The following CTTNBP2 variants were observed in gnomAD, a reference collection of about 807,000 sequenced individuals.
CTTNBP2 encodes the protein cortactin binding protein 2, also known as cortactin-binding protein 2.
A neutral mutation model predicts 156.9 loss-of-function variants in CTTNBP2; 108 were observed. That is an observed-to-expected ratio of 0.69 (90% confidence interval 0.59 to 0.81). The LOEUF is 0.81. CTTNBP2 is among the 30% of genes least tolerant of loss of function. The pLI, the probability that CTTNBP2 is intolerant of heterozygous loss-of-function variation, is 0.00. For synonymous variants in CTTNBP2, 767 were observed against 751.8 expected (o/e 1.02, Z -0.33); for missense variants, 1,924 against 2,035.4 (o/e 0.95, Z 1.05).
In CTTNBP2 at chr7:117,725,059, G is replaced by T. The variant is rs565972304; in HGVS notation, c.4254C>A (p.Pro1418=). The T allele has an allele frequency of 6.0e-5, 96 of 1,612,112 alleles. No individual in the cohort carries two copies. Among genetic ancestry groups the T allele is most frequent in the Non-Finnish European group, 7.4e-5 (87 of 1,179,862 alleles). ...CTGCAGAAACCCACATACCTGCTCT[G>T]GGGAGGGGACAGCCATGCAGTACAG... The part of the protein sequence containing the change: ...NKAVLHGCPL[P]RAELDQHTAD... The change falls in exon 18 of 23, where the codon CCC becomes CCA. Residue 1418 remains proline, a synonymous_variant. Transcript: ENST00000160373.
At chr7:117,776,181 C>G (rs912869272) in intron 8 of CTTNBP2, among the ~76,000 whole-genome samples, 1 of 152,136 alleles carries the variant, frequency 6.6e-6, no homozygotes, top group African/African-American at 2.4e-5. Context: ...TCACTATTAT[C>G]TTTTTATTCA....
rs545251654 is a variant in CTTNBP2 at position 117,727,975 on chromosome 7, C to T, written c.4055+114G>A. 1.3e-4 allele frequency: 115 copies of T among 887,240 alleles called. 1 individual carries two copies. Among genetic ancestry groups the T allele is most frequent in the South Asian group, 7.7e-4 (46 of 60,042 alleles). The allele number at this position is 887,240 out of a possible 1,614,324, so 55.0% of individuals were successfully genotyped here. A position where few individuals can be genotyped will look rare whatever the true frequency, so the allele number is the denominator to read the frequency against. On this transcript the variant is annotated intron_variant, in intron 17 of 22. Coordinates refer to ENST00000160373, the MANE Select transcript of CTTNBP2 (RefSeq NM_033427.3). ...GAAAGAGCAGAGAGCACTGGCACTC[C>T]GTGTCAGTGACAGGAGGTGGCACAA...
chr7:117,770,777 ACT>A (rs1295439540), intron 8 of CTTNBP2, among the ~76,000 whole-genome samples: 1 of 151,904 alleles, frequency 6.6e-6, no homozygotes, highest in Non-Finnish European at 1.5e-5. Flanking sequence ...AAGTATCCAC[ACT>A]CTCTCCTTGT....
chr7:117,784,216 T>G (rs771144899), intron 5 of CTTNBP2, 35 bp downstream of exon 5: 35 of 1,472,516 alleles, frequency 2.4e-5, no homozygotes, highest in Non-Finnish European at 3.0e-5. Flanking sequence ...TCCATCCTTT[T>G]GCAAGTGTGT....
chr7:117,740,798 T>G (rs1447388198), intron 14 of CTTNBP2, among the ~76,000 whole-genome samples: 2 of 152,186 alleles, frequency 1.3e-5, no homozygotes, highest in African/African-American at 4.8e-5. Context: ...TGTCGATGGA[T>G]CCTTCCCTGT....
At chr7:117,818,317 C>A (rs1223435519) in intron 2 of CTTNBP2, among the ~76,000 whole-genome samples, 2 of 152,130 alleles carry the variant, frequency 1.3e-5, no homozygotes, top group Non-Finnish European at 2.9e-5. Context: ...TAATATAGAT[C>A]TAACTGTAAG....
intron 14 of CTTNBP2, among the ~76,000 whole-genome samples, chr7:117,743,258 A>G (rs12112085): frequency 0.2 from 30,154 of 152,174 alleles, 6,614 homozygotes; most frequent in African/African-American, 0.55. Context: ...CCCATAGGGT[A>G]AGCACAAAAT....
intron 4 of CTTNBP2, among the ~76,000 whole-genome samples, chr7:117,786,100 T>C (rs1338957525): frequency 6.6e-6 from 1 of 152,174 alleles, no homozygotes; most frequent in Non-Finnish European, 1.5e-5. Context: ...TAAAAGTACA[T>C]ATCAAAGGAA....
chr7:117,737,717 G>A (rs1056022869), intron 14 of CTTNBP2, among the ~76,000 whole-genome samples: 1 of 152,052 alleles, frequency 6.6e-6, no homozygotes, highest in Non-Finnish European at 1.5e-5. Context: ...GGGATTACAG[G>A]TGCACACCAC....
chr7:117,817,357 A>ATATATATATATATATATAT (rs1282725521), intron 2 of CTTNBP2, among the ~76,000 whole-genome samples: 19 of 32,982 alleles, frequency 5.8e-4, no homozygotes, highest in African/African-American at 1.1e-3. Context: ...AAAAAAAAAA[A>ATATATATATATATATATAT]AAAAATATAT....
At chr7:117,731,731 A>C (rs1171465099) in intron 16 of CTTNBP2, among the ~76,000 whole-genome samples, 2 of 152,212 alleles carry the variant, frequency 1.3e-5, no homozygotes, top group African/African-American at 4.8e-5. Flanking sequence ...GATGACTGAT[A>C]ACAAAAAAGG....
At chr7:117,744,762 T>C (rs978134648) in intron 14 of CTTNBP2, among the ~76,000 whole-genome samples, 6 of 152,058 alleles carry the variant, frequency 3.9e-5, no homozygotes, top group African/African-American at 1.2e-4. Flanking sequence ...CTGGAAGTGC[T>C]GGGGCGTGCC....
chr7:117,777,528 C>A lies in CTTNBP2; in HGVS notation c.2761G>T (p.Ala921Ser). 1 of 1,613,156 alleles carries A rather than the reference C, an allele frequency of 6.2e-7. No individual in the cohort carries two copies. Reference sequence around the variant, plus strand: ...AGACACACCTTAAAACCTTTGGAAGCAGCAATGTGGGCAGCAGTCCAGCCT... The same window carrying A: ...AGACACACCTTAAAACCTTTGGAAGAAGCAATGTGGGCAGCAGTCCAGCCT... ...REGWTAAHIA[A>S]SKGFKNCLEI... Residue 921 changes from alanine (A) to serine (S), a missense_variant, in exon 8 of 23, where the codon GCT becomes TCT. Physicochemically the swap from Ala to Ser is moderately conservative, Grantham distance 99 (BLOSUM62 1). Coordinates refer to ENST00000160373, the MANE Select transcript of CTTNBP2 (RefSeq NM_033427.3).
chr7:117,809,130 T>C (rs866268259), intron 3 of CTTNBP2, among the ~76,000 whole-genome samples: 2 of 151,776 alleles, frequency 1.3e-5, no homozygotes, highest in Non-Finnish European at 2.9e-5. Flanking sequence ...TTCCTTTCAC[T>C]ATCAGCCAGG....
At chr7:117,805,873 G>T (rs541915760) in intron 3 of CTTNBP2, among the ~76,000 whole-genome samples, 1 of 152,186 alleles carries the variant, frequency 6.6e-6, no homozygotes, top group South Asian at 2.1e-4. Flanking sequence ...TATCTAAACT[G>T]TGTACAAGGA....
In CTTNBP2 at chr7:117,782,871, C is replaced by T. The variant is rs748451490; in HGVS notation, c.2363G>A (p.Gly788Glu). The T allele has an allele frequency of 5.0e-6, 8 of 1,612,764 alleles. No individual in the cohort carries two copies. In the South Asian group the frequency reaches 8.8e-5, roughly 18 times the overall value. ...FTPLCAAAAQ[G>E]HFECVELLIS... Reference sequence around the variant, plus strand: ...ATTAAGAGCAACTTACTCGAAATGTCCCTGAGCAGCTGCAGCACACAAGGG... The same window carrying T: ...ATTAAGAGCAACTTACTCGAAATGTTCCTGAGCAGCTGCAGCACACAAGGG... The change falls in exon 6 of 23, where the codon GGA (glycine) becomes GAA (glutamate). Residue 788 changes from glycine (G) to glutamate (E), a missense_variant. Transcript: ENST00000160373.
At chr7:117,804,302 A>G (rs892262417) in intron 3 of CTTNBP2, among the ~76,000 whole-genome samples, 1 of 152,150 alleles carries the variant, frequency 6.6e-6, no homozygotes, top group Non-Finnish European at 1.5e-5. Flanking sequence ...TGAGCCAGTA[A>G]GTTTCTCAAA....
intron 1 of CTTNBP2, among the ~76,000 whole-genome samples, chr7:117,867,362 C>T (rs1472458859): frequency 1.3e-5 from 2 of 152,162 alleles, no homozygotes; most frequent in African/African-American, 4.8e-5. Context: ...CTTGTTCTCG[C>T]CATTCAGTCT....
intron 11 of CTTNBP2, 140 bp downstream of exon 11, chr7:117,757,735 A>T: frequency 1.8e-6 from 1 of 570,568 alleles, no homozygotes; most frequent in Admixed American, 3.6e-5. Context: ...TTTTAAAAAC[A>T]TCTAATTACC....
Sources: gnomAD v4.1 joint callset for allele counts (sites outside exome capture counted in the v4.1 genomes callset) on GRCh38, gnomAD v4.1.1 for gene constraint, MANE v1.5 for transcripts, NCBI Gene and HGNC (gene_info 2026-07-23, HGNC 2026-07-21) for gene names.